The following GORAB variants were observed in gnomAD, a reference collection of about 807,000 sequenced individuals.
GORAB encodes the protein golgin, RAB6 interacting, also known as RAB6-interacting golgin.
Under a neutral mutation model 29.9 loss-of-function variants are expected in GORAB, and 17 were observed. The ratio of observed to expected loss-of-function variants is 0.57; its 90% confidence interval spans 0.39 to 0.85. GORAB has a LOEUF of 0.85. Ranked by LOEUF, GORAB falls within the 40% of genes least tolerant of loss-of-function variation. GORAB has a pLI of 0.00. For missense variants in GORAB, 442 were observed against 437.8 expected (o/e 1.01, Z -0.09); for synonymous variants, 183 against 157.2 (o/e 1.16, Z -1.23).
In GORAB at chr1:170,532,223, G is replaced by T; in HGVS notation, c.-1G>T. 1.2e-6 allele frequency: 2 copies of T among 1,614,080 alleles called. No homozygotes were observed. Among genetic ancestry groups the T allele is most frequent in the South Asian group, 1.1e-5 (1 of 91,076 alleles). On this transcript the variant is annotated 5_prime_UTR_variant, in exon 1 of 5. Transcript: ENST00000367763. ...TTTGGGGGTGCCGGTGGCCCGGGCC[G>T]ATGGCGCAAGGTTGGGCAGGATTCT... is the stretch of plus-strand genomic sequence containing the variant.
At chr1:170,532,443 C>T (rs902942521) in intron 1 of GORAB, 159 bp downstream of exon 1, 79 of 778,590 alleles carry the variant, frequency 1.0e-4, no homozygotes, top group Non-Finnish European at 1.3e-4. Context: ...CAGAGGAGGA[C>T]TTACTGGGAG....
Position 170,552,006 on chromosome 1 carries a change from T to C in GORAB, c.663-9T>C. 6.2e-7 allele frequency: 1 copy of C among 1,612,140 alleles called. No homozygotes were observed. The highest frequency in any genetic ancestry group is 8.5e-7 in the Non-Finnish European group (1 of 1,178,348). On this transcript the variant is annotated splice_polypyrimidine_tract_variant and intron_variant, in intron 4 of 4. Coordinates refer to ENST00000367763, the MANE Select transcript of GORAB (RefSeq NM_152281.3). ...ACTGATGGACCTATCTTTATACACATCCTTACAGGAAGCGGTTTGACAGGG... is the reference window on the plus strand; with the variant it reads ...ACTGATGGACCTATCTTTATACACACCCTTACAGGAAGCGGTTTGACAGGG...
intron 4 of GORAB, chr1:170,545,116 C>G: frequency 9.0e-7 from 1 of 1,110,930 alleles, no homozygotes; most frequent in Non-Finnish European, 1.1e-6. Flanking sequence ...AAACCCTCAG[C>G]TATTTAATGT....
intron 2 of GORAB, among the ~76,000 whole-genome samples, chr1:170,541,043 AAT>A (rs1649382198): frequency 6.6e-6 from 1 of 152,004 alleles, no homozygotes; most frequent in Non-Finnish European, 1.5e-5. Flanking sequence ...CTCTACCAAA[AAT>A]ACAAAAAAAT....
intron 1 of GORAB, among the ~76,000 whole-genome samples, chr1:170,533,064 G>A (rs560678979): frequency 1.4e-4 from 22 of 152,148 alleles, no homozygotes; most frequent in African/African-American, 5.3e-4. Context: ...TTGAAATTTC[G>A]CAGTGATCTG....
chr1:170,550,281 G>T (rs1176622504), intron 4 of GORAB, among the ~76,000 whole-genome samples: 2 of 152,150 alleles, frequency 1.3e-5, no homozygotes, highest in South Asian at 2.1e-4. Context: ...GAGATGAGCC[G>T]GGCAAACCTA....
At chr1:170,535,081 A>ACCATAGGAAGGTAACTCCTACTACTC (rs1648973888) in intron 1 of GORAB, among the ~76,000 whole-genome samples, 1 of 152,276 alleles carries the variant, frequency 6.6e-6, no homozygotes, top group East Asian at 1.9e-4. Flanking sequence ...GTAGGAGTTT[A>ACCATAGGAAGGTAACTCCTACTACTC]CCATAGTAGG....
At position 170,544,479 on chromosome 1, in the gene GORAB, GT is replaced by G. The variant is rs562039849; in HGVS notation, c.522-219del. Among the ~76,000 whole-genome samples, 67 of 152,134 alleles carry G rather than the reference GT, an allele frequency of 4.4e-4. 1 individual carries two copies. The highest frequency in any genetic ancestry group is 1.3e-3 in the Admixed American group (20 of 15,286). On this transcript the variant is annotated intron_variant, in intron 3 of 4. Coordinates refer to ENST00000367763, the MANE Select transcript of GORAB (RefSeq NM_152281.3). ...CAATCTAAAATGAACTATTTGCTGAGTTTTTTTAGACTTATTTGTTACTTTA... is the reference window on the plus strand; with the variant it reads ...CAATCTAAAATGAACTATTTGCTGAGTTTTTTAGACTTATTTGTTACTTTA...
intron 2 of GORAB, among the ~76,000 whole-genome samples, chr1:170,541,741 C>T (rs983505809): frequency 3.9e-5 from 6 of 152,102 alleles, no homozygotes; most frequent in African/African-American, 1.2e-4. Context: ...TAAGACAATA[C>T]ATGTTTTCAC....
rs766244250 is a variant in GORAB, at chr1:170,539,238, C to T, written c.90C>T (p.Pro30=). The change falls in exon 2 of 5, where the codon CCC becomes CCT. Residue 30 remains proline (P), a synonymous_variant. Coordinates refer to ENST00000367763, the MANE Select transcript of GORAB (RefSeq NM_152281.3). ...KDPFEPQRRL[P]AKKSRQQLQR... is the part of the protein sequence containing the mutation. ...CATTTGAACCACAGCGACGTCTCCC[C>T]GCGAAGAAAAGTCGACAACAACTTC... 1.4e-5 allele frequency: 22 copies of T among 1,613,940 alleles called. No individual in the cohort carries two copies. Among genetic ancestry groups the T allele is most frequent in the Middle Eastern group, 1.6e-4 (1 of 6,084 alleles).
intron 3 of GORAB, among the ~76,000 whole-genome samples, chr1:170,543,425 G>A (rs1354408151): frequency 6.6e-6 from 1 of 151,922 alleles, no homozygotes; most frequent in Non-Finnish European, 1.5e-5. Flanking sequence ...TATGTGTAGG[G>A]GCAGGAGAAG....
At chr1:170,547,967 A>T (rs1649864738) in intron 4 of GORAB, among the ~76,000 whole-genome samples, 1 of 152,238 alleles carries the variant, frequency 6.6e-6, no homozygotes. Context: ...CTCATCTGAG[A>T]TTTCACATAT....
intron 1 of GORAB, 120 bp downstream of exon 1, chr1:170,532,404 G>GT: frequency 9.2e-7 from 1 of 1,089,504 alleles, no homozygotes; most frequent in East Asian, 2.4e-5. Context: ...GGAAGGCGCT[G>GT]TAAGTACGTG....
chr1:170,544,683 A>G (rs747896164), intron 3 of GORAB, 22 bp from the exon 4 acceptor site: 7 of 1,611,100 alleles, frequency 4.3e-6, no homozygotes, highest in Non-Finnish European at 5.9e-6. Flanking sequence ...TTATTTTCCC[A>G]CTCACATACC....
At chr1:170,550,898 A>C (rs1650061843) in intron 4 of GORAB, among the ~76,000 whole-genome samples, 1 of 152,218 alleles carries the variant, frequency 6.6e-6, no homozygotes, top group Admixed American at 6.5e-5. Context: ...GAAAAGGCAA[A>C]AGACAATAAA....
At position 170,552,645 on chromosome 1, in the gene GORAB, A is replaced by G. The variant is rs1650201744; in HGVS notation, c.*183A>G. ...CCAAAATTATGATAACTGTATTTCT[A>G]GGGGTATGTTTCACCTTGATTTTGG... On this transcript the variant is annotated 3_prime_UTR_variant, in exon 5 of 5. Coordinates refer to ENST00000367763, the MANE Select transcript of GORAB (RefSeq NM_152281.3). 3.0e-6 allele frequency: 2 copies of G among 662,512 alleles called. No homozygotes were observed. The highest frequency in any genetic ancestry group is 1.8e-5 in the African/African-American group (1 of 56,434). The allele number at this position is 662,512 out of a possible 1,614,324, so 41.0% of individuals were successfully genotyped here. A position where few individuals can be genotyped will look rare whatever the true frequency, so the allele number is the denominator to read the frequency against.
At chr1:170,536,918 T>C (rs1046483774) in intron 1 of GORAB, among the ~76,000 whole-genome samples, 3 of 152,148 alleles carry the variant, frequency 2.0e-5, no homozygotes, top group Admixed American at 6.5e-5. Context: ...AATCAACATA[T>C]GATTCAAATG....
chr1:170,551,517 G>A (rs1214230248), intron 4 of GORAB, among the ~76,000 whole-genome samples: 1 of 152,010 alleles, frequency 6.6e-6, no homozygotes. Context: ...TCCATCTCTT[G>A]TCTGTCTTCT....
chr1:170,539,070 C>G (rs1260172738), intron 1 of GORAB, 140 bp from the exon 2 acceptor site: 3 of 1,020,752 alleles, frequency 2.9e-6, no homozygotes, highest in Admixed American at 2.2e-5. Flanking sequence ...CTGTTTTTCC[C>G]CTAGACTTTC....
Sources: gnomAD v4.1 joint callset for allele counts (sites outside exome capture counted in the v4.1 genomes callset) on GRCh38, gnomAD v4.1.1 for gene constraint, MANE v1.5 for transcripts, NCBI Gene and HGNC (gene_info 2026-07-23, HGNC 2026-07-21) for gene names.